ANKIB1: variants seen among roughly 807,000 people sequenced by gnomAD.
ANKIB1 encodes the protein ankyrin repeat and IBR domain-containing protein 1.
A neutral mutation model predicts 122.1 loss-of-function variants in ANKIB1; 43 were observed. That is an observed-to-expected ratio of 0.35 (90% confidence interval 0.28 to 0.45). The LOEUF is 0.45. Ranked by LOEUF, ANKIB1 falls within the 20% of genes least tolerant of loss-of-function variation. ANKIB1 has a pLI of 1.00. For missense variants in ANKIB1, 992 were observed against 1,329.5 expected, an observed-to-expected ratio of 0.75 and a Z score of 3.95; for synonymous variants, 390 against 442.0, an observed-to-expected ratio of 0.88 and a Z score of 1.48.
chr7:92,373,550 A>G (rs919841054), intron 11 of ANKIB1, among the ~76,000 whole-genome samples: 1 of 152,168 alleles, frequency 6.6e-6, no homozygotes, highest in African/African-American at 2.4e-5. Context: ...TACCATCTGA[A>G]GTGTTTGCAT....
At chr7:92,317,590 A>G (rs1352317460) in intron 3 of ANKIB1, among the ~76,000 whole-genome samples, 1 of 152,210 alleles carries the variant, frequency 6.6e-6, no homozygotes, top group Non-Finnish European at 1.5e-5. Context: ...TATTTTTACA[A>G]CTTAAAAACC....
chr7:92,326,241 T>G (rs926924388), intron 4 of ANKIB1, among the ~76,000 whole-genome samples: 5 of 152,220 alleles, frequency 3.3e-5, no homozygotes, highest in African/African-American at 9.7e-5. Context: ...TGCAGATTGT[T>G]TCATATTATC....
rs554743465 is a variant in ANKIB1, at chr7:92,358,128, T to G, written c.1398-4057T>G. On this transcript the variant is annotated intron_variant, in intron 9 of 19. Transcript: ENST00000265742. Reference sequence around the variant, plus strand: ...ATGGTGTTGTGCACCTGTAATCCCATCTACTCGGGAGGCTGAGGCAGGAGA... The same window carrying G: ...ATGGTGTTGTGCACCTGTAATCCCAGCTACTCGGGAGGCTGAGGCAGGAGA... Among the ~76,000 whole-genome samples the G allele has an allele frequency of 2.6e-5, 4 of 151,632 alleles. No individual in the cohort carries two copies. In the East Asian group the frequency reaches 7.8e-4, roughly 30 times the overall value.
At chr7:92,301,461 A>G (rs983522993) in intron 2 of ANKIB1, among the ~76,000 whole-genome samples, 3 of 151,784 alleles carry the variant, frequency 2.0e-5, no homozygotes, top group African/African-American at 4.8e-5. Flanking sequence ...CATTTTTTAT[A>G]TGACTGTTGG....
At chr7:92,250,289 A>T (rs1801299704) in intron 1 of ANKIB1, among the ~76,000 whole-genome samples, 1 of 152,146 alleles carries the variant, frequency 6.6e-6, no homozygotes, top group South Asian at 2.1e-4. Context: ...GCTACTCGGG[A>T]GGCTGAGGCA....
intron 1 of ANKIB1, among the ~76,000 whole-genome samples, chr7:92,248,110 G>C (rs887685163): frequency 1.6e-4 from 24 of 152,170 alleles, no homozygotes; most frequent in African/African-American, 5.8e-4. Context: ...TAAGAGTAGG[G>C]TGCTATAGTG....
intron 7 of ANKIB1, chr7:92,347,873 A>T (rs1316061641): frequency 7.0e-6 from 2 of 285,620 alleles, no homozygotes; most frequent in Admixed American, 4.9e-5. Flanking sequence ...TTCTTAACGT[A>T]TGTAAAGTGC....
chr7:92,314,329 G>A (rs1474075203), intron 3 of ANKIB1, among the ~76,000 whole-genome samples: 2 of 151,892 alleles, frequency 1.3e-5, no homozygotes, highest in African/African-American at 4.8e-5. Context: ...ATTTTTAATC[G>A]GAGAGTGATA....
At chr7:92,367,734 G>A (rs1804123654) in intron 10 of ANKIB1, among the ~76,000 whole-genome samples, 1 of 152,142 alleles carries the variant, frequency 6.6e-6, no homozygotes, top group Non-Finnish European at 1.5e-5. Context: ...CCTCTGTTGT[G>A]TCTAATTAGA....
chr7:92,368,260 T>C (rs946052757), intron 10 of ANKIB1, among the ~76,000 whole-genome samples: 3 of 151,608 alleles, frequency 2.0e-5, no homozygotes, highest in Non-Finnish European at 2.9e-5. Context: ...TCTAATACTT[T>C]ATTATGAAGT....
intron 18 of ANKIB1, among the ~76,000 whole-genome samples, chr7:92,396,936 G>T (rs910683599): frequency 9.9e-5 from 15 of 152,202 alleles, no homozygotes; most frequent in African/African-American, 3.6e-4. Context: ...AAAAGAGAGA[G>T]AATTTCTGGC....
chr7:92,373,036 A>G (rs1279069207), intron 11 of ANKIB1, among the ~76,000 whole-genome samples: 1 of 152,186 alleles, frequency 6.6e-6, no homozygotes, highest in Admixed American at 6.5e-5. Flanking sequence ...GTTACAAAAT[A>G]ATTTTTATAA....
At chr7:92,364,726 A>G (rs990822274) in intron 10 of ANKIB1, among the ~76,000 whole-genome samples, 3 of 152,222 alleles carry the variant, frequency 2.0e-5, no homozygotes, top group Non-Finnish European at 4.4e-5. Context: ...TCCTAATAGA[A>G]TAAGCCATAA....
chr7:92,293,570 C>T (rs948606623), intron 1 of ANKIB1, among the ~76,000 whole-genome samples: 2 of 152,154 alleles, frequency 1.3e-5, no homozygotes, highest in African/African-American at 4.8e-5. Context: ...GTATTCTCTG[C>T]CTCTAAGTTT....
In ANKIB1 at chr7:92,388,147, T is replaced by G. The variant is rs558300797; in HGVS notation, c.1906+106T>G. 3.7e-6 allele frequency: 4 copies of G among 1,079,240 alleles called. No homozygotes were observed. In the South Asian group the frequency reaches 5.7e-5, roughly 15 times the overall value. The allele number at this position is 1,079,240 out of a possible 1,614,324, so 66.9% of individuals were successfully genotyped here. A position where few individuals can be genotyped will look rare whatever the true frequency, so the allele number is the denominator to read the frequency against. ...AAAGGAATACATTATGTTCATTAGCTTGTTCTGGTACTGTTTTGAGTTCTT... is the reference window on the plus strand; with the variant it reads ...AAAGGAATACATTATGTTCATTAGCGTGTTCTGGTACTGTTTTGAGTTCTT... On this transcript the variant is annotated intron_variant, in intron 14 of 19. Coordinates refer to ENST00000265742, the MANE Select transcript of ANKIB1 (RefSeq NM_019004.2).
At chr7:92,325,345 G>T (rs1307719093) in intron 4 of ANKIB1, among the ~76,000 whole-genome samples, 1 of 152,226 alleles carries the variant, frequency 6.6e-6, no homozygotes, top group Admixed American at 6.5e-5. Flanking sequence ...TGCAGAAGCT[G>T]CTGGGTTTCT....
chr7:92,308,233 C>G (rs2131936623), intron 3 of ANKIB1, among the ~76,000 whole-genome samples: 1 of 152,094 alleles, frequency 6.6e-6, no homozygotes, highest in Admixed American at 6.6e-5. Context: ...CACAGGTGAA[C>G]AATCACTTTT....
At chr7:92,321,889 C>T (rs1802920170) in intron 4 of ANKIB1, among the ~76,000 whole-genome samples, 1 of 152,172 alleles carries the variant, frequency 6.6e-6, no homozygotes, top group Admixed American at 6.6e-5. Context: ...AAGGCCTATG[C>T]CCTAAGCGTT....
chr7:92,385,936 T>C (rs1028509687), intron 11 of ANKIB1, among the ~76,000 whole-genome samples: 1 of 152,052 alleles, frequency 6.6e-6, no homozygotes, highest in African/African-American at 2.4e-5. Context: ...CAACATAGAA[T>C]GGGAAGATCT....
Sources: gnomAD v4.1 joint callset for allele counts (sites outside exome capture counted in the v4.1 genomes callset) on GRCh38, gnomAD v4.1.1 for gene constraint, MANE v1.5 for transcripts, NCBI Gene and HGNC (gene_info 2026-07-23, HGNC 2026-07-21) for gene names.